EXOC6B: variants seen among roughly 807,000 people sequenced by gnomAD.
The protein encoded by EXOC6B is SEC15 homolog B.
In EXOC6B, 54 loss-of-function variants were observed where a neutral mutation model predicts 113.5. The observed-to-expected ratio is 0.48, with a 90% confidence interval of 0.38 to 0.60. The LOEUF (loss-of-function observed/expected upper bound fraction) is 0.60. Among genes scored for constraint, EXOC6B ranks in the 20% least tolerant of loss-of-function variants. EXOC6B has a pLI of 0.00. For synonymous variants in EXOC6B, 357 were observed against 339.0 expected, an observed-to-expected ratio of 1.05 and a Z score of -0.58; for missense variants, 797 against 977.5, an observed-to-expected ratio of 0.82 and a Z score of 2.46.
At chr2:72,789,977 C>T (rs552387299) in intron 1 of EXOC6B, among the ~76,000 whole-genome samples, 8 of 152,028 alleles carry the variant, frequency 5.3e-5, no homozygotes, top group Middle Eastern at 3.4e-3. Flanking sequence ...ATTTTTTTGC[C>T]TCTATTCATA....
chr2:72,494,892 C>G (rs538068376), intron 15 of EXOC6B, among the ~76,000 whole-genome samples: 2 of 152,212 alleles, frequency 1.3e-5, no homozygotes, highest in East Asian at 3.9e-4. Context: ...AACAAAGGAG[C>G]CTACACTCTA....
chr2:72,686,059 C>G (rs1677067418), intron 6 of EXOC6B, among the ~76,000 whole-genome samples: 1 of 152,234 alleles, frequency 6.6e-6, no homozygotes, highest in Non-Finnish European at 1.5e-5. Context: ...CCAAGCAGGA[C>G]CAGTCTGTCA....
At chr2:72,204,530 T>C (rs976128195) in intron 20 of EXOC6B, among the ~76,000 whole-genome samples, 1 of 147,252 alleles carries the variant, frequency 6.8e-6, no homozygotes, top group Non-Finnish European at 1.5e-5. Flanking sequence ...GTTTACACAT[T>C]AAAGGGGAGA....
intron 20 of EXOC6B, among the ~76,000 whole-genome samples, chr2:72,324,097 C>A (rs540118418): frequency 6.6e-6 from 1 of 151,470 alleles, no homozygotes; most frequent in Non-Finnish European, 1.5e-5. Flanking sequence ...ACAAAATAAA[C>A]AATTGTGTTA....
intron 1 of EXOC6B, among the ~76,000 whole-genome samples, chr2:72,780,950 T>TTTTA: frequency 6.6e-6 from 1 of 152,150 alleles, no homozygotes; most frequent in Non-Finnish European, 1.5e-5. Flanking sequence ...TAAATTGGGT[T>TTTTA]TTCAGGGGTT....
In EXOC6B at chr2:72,400,065, G is replaced by C. The variant is rs191310354; in HGVS notation, c.1981-20195C>G. On this transcript the variant is annotated intron_variant, in intron 18 of 21. Coordinates refer to ENST00000272427, the MANE Select transcript of EXOC6B (RefSeq NM_015189.3). ...AAGCTATAGTAATCAAAACAGCATG[G>C]TACTGGTATAAAAATAGCCACAAGG... is the stretch of plus-strand genomic sequence containing the variant. Among the ~76,000 whole-genome samples, 8 of 152,090 alleles carry C rather than the reference G, an allele frequency of 5.3e-5. No homozygotes were observed. The East Asian group carries it at 7.7e-4, about 15-fold the overall frequency.
chr2:72,563,848 C>T (rs112710945), intron 7 of EXOC6B, among the ~76,000 whole-genome samples: 16 of 151,992 alleles, frequency 1.1e-4, no homozygotes, highest in South Asian at 2.1e-4. Flanking sequence ...ATGAGGAAAA[C>T]GCCTTTACAT....
intron 6 of EXOC6B, among the ~76,000 whole-genome samples, chr2:72,649,229 G>A (rs1446896): frequency 0.61 from 93,163 of 152,068 alleles, 34,797 homozygotes; most frequent in East Asian, 0.99. Context: ...GCAGGGAGTG[G>A]GGATGGTTAA....
intron 18 of EXOC6B, among the ~76,000 whole-genome samples, chr2:72,381,825 T>C (rs1691692460): frequency 6.6e-6 from 1 of 152,222 alleles, no homozygotes. Context: ...TATAAGTTTT[T>C]CTGCTAATTT....
At chr2:72,685,192 T>C (rs1390251897) in intron 6 of EXOC6B, among the ~76,000 whole-genome samples, 5 of 152,294 alleles carry the variant, frequency 3.3e-5, no homozygotes, top group African/African-American at 1.2e-4. Flanking sequence ...AATATGGTTG[T>C]TGACTACACA....
chr2:72,257,442 A>C (rs1683419828), intron 20 of EXOC6B, among the ~76,000 whole-genome samples: 1 of 152,224 alleles, frequency 6.6e-6, no homozygotes, highest in African/African-American at 2.4e-5. Flanking sequence ...GCCTAAATTT[A>C]ATCATTAAAA....
chr2:72,292,047 G>A (rs555723779), intron 20 of EXOC6B, among the ~76,000 whole-genome samples: 5 of 152,138 alleles, frequency 3.3e-5, no homozygotes, highest in Admixed American at 2.0e-4. Context: ...ACCAGGCTCT[G>A]TAATAGTGTT....
chr2:72,254,069 A>G (rs1169991741), intron 20 of EXOC6B, among the ~76,000 whole-genome samples: 1 of 152,070 alleles, frequency 6.6e-6, no homozygotes, highest in Non-Finnish European at 1.5e-5. Flanking sequence ...CTGAGGCAGG[A>G]GAATGGTGTG....
chr2:72,633,652 T>C (rs1175035240), intron 6 of EXOC6B, among the ~76,000 whole-genome samples: 1 of 152,160 alleles, frequency 6.6e-6, no homozygotes, highest in Non-Finnish European at 1.5e-5. Flanking sequence ...TTAGCAAACA[T>C]AGGCACATAT....
intron 20 of EXOC6B, among the ~76,000 whole-genome samples, chr2:72,255,435 T>C (rs899518887): frequency 1.3e-5 from 2 of 152,204 alleles, no homozygotes; most frequent in African/African-American, 4.8e-5. Flanking sequence ...GGTGCAGAAG[T>C]AGACACTGAT....
intron 2 of EXOC6B, among the ~76,000 whole-genome samples, chr2:72,735,394 C>A (rs1680882999): frequency 6.6e-6 from 1 of 152,160 alleles, no homozygotes; most frequent in Non-Finnish European, 1.5e-5. Context: ...GTTTTCTATT[C>A]AATTCGATTA....
intron 8 of EXOC6B, among the ~76,000 whole-genome samples, chr2:72,528,420 A>G (rs1486687198): frequency 6.6e-6 from 1 of 152,072 alleles, no homozygotes; most frequent in African/African-American, 2.4e-5. Context: ...TGCCAATACC[A>G]TGCCATCTTG....
chr2:72,251,180 G>T (rs1285009485), intron 20 of EXOC6B, among the ~76,000 whole-genome samples: 1 of 133,946 alleles, frequency 7.5e-6, no homozygotes, highest in African/African-American at 2.6e-5. Flanking sequence ...GTTTGTTCCT[G>T]ATCTTGTTCT....
chr2:72,653,473 G>C (rs547941215), intron 6 of EXOC6B, among the ~76,000 whole-genome samples: 6 of 147,886 alleles, frequency 4.1e-5, no homozygotes, highest in African/African-American at 1.5e-4. Context: ...GAGTTAATGG[G>C]TGCAGCACAC....
Sources: gnomAD v4.1 joint callset for allele counts (sites outside exome capture counted in the v4.1 genomes callset) on GRCh38, gnomAD v4.1.1 for gene constraint, MANE v1.5 for transcripts, NCBI Gene and HGNC (gene_info 2026-07-23, HGNC 2026-07-21) for gene names.